Variants in CLN6 observed in about 807,000 individuals in gnomAD.
The protein encoded by CLN6 is ceroid-lipofuscinosis neuronal protein 6.
A neutral mutation model predicts 33.3 loss-of-function variants in CLN6; 22 were observed. That is an observed-to-expected ratio of 0.66 (90% CI 0.47 to 0.94). CLN6 has a LOEUF of 0.94. Ranked by LOEUF, CLN6 falls within the 40% of genes least tolerant of loss-of-function variation. CLN6 has a pLI of 0.00. For missense variants in CLN6, 387 were observed against 417.1 expected (o/e 0.93, Z 0.63); for synonymous variants, 201 against 174.6 (o/e 1.15, Z -1.19).
chr15:68,227,405 C>T lies in CLN6; in HGVS notation c.83+2097G>A, dbSNP rs1389359218. Among the ~76,000 whole-genome samples the T allele has an allele frequency of 6.6e-6, 1 of 152,190 alleles. No individual in the cohort carries two copies. The highest frequency in any genetic ancestry group is 1.5e-5 in the Non-Finnish European group (1 of 68,038). ...AGCAGGTGGACGTTGGAATGGGTTACCTTAAGAGGTAGTGAGCAAAGCACG... is the reference window on the plus strand; with the variant it reads ...AGCAGGTGGACGTTGGAATGGGTTATCTTAAGAGGTAGTGAGCAAAGCACG... On this transcript the variant is annotated intron_variant, in intron 1 of 6. Transcript: ENST00000249806. This position sits in a 1 kb window ranked among gnomAD's most constrained non-coding sequence, Gnocchi z 4.1.
rs796551066 is a variant in CLN6, at chr15:68,246,017, A to G, written c.179+10673T>C. ...AGGGGTCAGTTTAGCAAGAGGATAT[A>G]ACAATTATAAGTATCTATGCACTCA... On this transcript the variant is annotated intron_variant, in intron 1 of 6. Coordinates refer to the CLN6 transcript ENST00000538696. The surrounding 1 kb of genome is among the most constrained non-coding windows in gnomAD (Gnocchi z 4.5). 2.0e-5 allele frequency among the ~76,000 whole-genome samples: 3 copies of G among 152,308 alleles called. No individual in the cohort carries two copies. The highest frequency in any genetic ancestry group is 7.2e-5 in the African/African-American group (3 of 41,538).
intron 1 of CLN6, among the ~76,000 whole-genome samples, chr15:68,248,055 G>T (rs988369918): frequency 2.7e-5 from 4 of 149,660 alleles, no homozygotes; most frequent in African/African-American, 9.8e-5. Flanking sequence ...GAACAAATCT[G>T]GAAGCATCAC....
chr15:68,233,947 C>T (rs1892190753), upstream of CLN6, among the ~76,000 whole-genome samples: 1 of 152,194 alleles, frequency 6.6e-6, no homozygotes. The surrounding 1 kb of genome is among the most constrained non-coding windows in gnomAD (Gnocchi z 4.3). Flanking sequence ...CCAGAAGTCA[C>T]ACTGTGGGGA....
chr15:68,208,151 T>G lies in CLN6; in HGVS notation c.925A>C (p.Ser309Arg), dbSNP rs762916725. The change falls in exon 7 of 7, where the codon AGT becomes CGT. Residue 309 changes from serine (S) to arginine (R), a missense_variant. Ser to Arg is a moderately radical substitution (Grantham distance 110, BLOSUM62 -1). Transcript: ENST00000249806. This position sits in a 1 kb window ranked among gnomAD's most constrained non-coding sequence, Gnocchi z 5.8. ...CTGGTGCCAGGGACTCAGTGCCGAC[T>G]GCTGACGTGAAGGGTGTAGAAAGCC... ...PWAFYTLHVS[S>R]RH is the part of the protein sequence containing the mutation. 1.2e-5 allele frequency: 16 copies of G among 1,368,704 alleles called. No homozygotes were observed. The South Asian group carries it at 1.4e-4, about 12-fold the overall frequency. The allele number at this position is 1,368,704 out of a possible 1,614,324, so 84.8% of individuals were successfully genotyped here.
intron 1 of CLN6, chr15:68,254,545 CA>C: frequency 2.2e-6 from 1 of 454,988 alleles, no homozygotes; most frequent in South Asian, 2.6e-5. Flanking sequence ...ATATTTTGAG[CA>C]GTGTGAAAAA....
intron 1 of CLN6, among the ~76,000 whole-genome samples, chr15:68,221,641 C>T (rs2093236301): frequency 6.6e-6 from 1 of 152,226 alleles, no homozygotes; most frequent in Non-Finnish European, 1.5e-5. Flanking sequence ...CAGGCTCTGC[C>T]CGGCCGCCAC....
chr15:68,257,070 G>C (rs2141169487), exon 1 of CLN6: 1 of 445,348 alleles, frequency 2.2e-6, no homozygotes, highest in South Asian at 5.2e-5. Context: ...GTTGGGCCGC[G>C]GGCCCAAGGG....
At position 68,209,576 on chromosome 15, in the gene CLN6, A is replaced by T; in HGVS notation, c.665+61T>A. 1 of 1,604,086 alleles carries T rather than the reference A, an allele frequency of 6.2e-7. No homozygotes were observed. The highest frequency in any genetic ancestry group is 8.5e-7 in the Non-Finnish European group (1 of 1,177,816). The stretch of plus-strand genomic sequence containing the variant: ...CAGCAGGTCCATTGGCAAGTGCAGA[A>T]TTTTGCTGCCGTGGCTCTCTCAGTG... On this transcript the variant is annotated intron_variant, in intron 6 of 6. Coordinates refer to ENST00000249806, the MANE Select transcript of CLN6 (RefSeq NM_017882.3). The surrounding 1 kb of genome is among the most constrained non-coding windows in gnomAD (Gnocchi z 4.9).
chr15:68,209,169 C>G lies in CLN6; in HGVS notation c.665+468G>C, dbSNP rs563181521. ...GAAGCCCCTACGCCATGAAACCCCC[C>G]AGTCTGGCCTCGCCATAGTGCTTTA... On this transcript the variant is annotated intron_variant, in intron 6 of 6. Coordinates refer to ENST00000249806, the MANE Select transcript of CLN6 (RefSeq NM_017882.3). The surrounding 1 kb of genome is among the most constrained non-coding windows in gnomAD (Gnocchi z 4.9). Among the ~76,000 whole-genome samples the G allele has an allele frequency of 4.7e-3, 714 of 152,326 alleles. 6 individuals are homozygous for G. The highest frequency in any genetic ancestry group is 6.0e-3 in the Non-Finnish European group (408 of 68,020).
intron 1 of CLN6, among the ~76,000 whole-genome samples, chr15:68,254,273 G>A (rs1346594684): frequency 1.3e-5 from 2 of 152,136 alleles, no homozygotes; most frequent in Non-Finnish European, 2.9e-5. Flanking sequence ...GATACGAAAG[G>A]GGCATAGGGA....
chr15:68,247,494 A>G lies in CLN6; in HGVS notation c.179+9196T>C, dbSNP rs1164436999. Among the ~76,000 whole-genome samples the G allele has an allele frequency of 6.6e-6, 1 of 152,170 alleles. No individual in the cohort carries two copies. The highest frequency in any genetic ancestry group is 2.4e-5 in the African/African-American group (1 of 41,396). The stretch of plus-strand genomic sequence containing the variant: ...GAAGAGGAGAAAGATCTCTTCAAGG[A>G]AAACTACAAAGCACTGAAGAAATAA... On this transcript the variant is annotated intron_variant, in intron 1 of 6. Transcript: ENST00000538696. The surrounding 1 kb of genome is among the most constrained non-coding windows in gnomAD (Gnocchi z 4.2).
chr15:68,216,897 T>A (rs1327670448), intron 2 of CLN6, among the ~76,000 whole-genome samples: 2 of 152,214 alleles, frequency 1.3e-5, no homozygotes, highest in Non-Finnish European at 2.9e-5. Flanking sequence ...TTCAACCTTG[T>A]CAGAAAGGGG....
chr15:68,231,757 G>T (rs184795877), upstream of CLN6, among the ~76,000 whole-genome samples: 40 of 152,354 alleles, frequency 2.6e-4, no homozygotes, highest in East Asian at 4.2e-3. Flanking sequence ...ACCCCTTGAG[G>T]GGAGGGGAGT....
chr15:68,214,752 G>A, intron 2 of CLN6: 1 of 341,474 alleles, frequency 2.9e-6, no homozygotes, highest in East Asian at 7.6e-5. Context: ...AACTTGCTGG[G>A]TGACCCTGGG....
chr15:68,224,618 C>A (rs866738802), intron 1 of CLN6, among the ~76,000 whole-genome samples: 41 of 104,262 alleles, frequency 3.9e-4, no homozygotes, highest in African/African-American at 8.0e-4. Context: ...GACTCTGTCT[C>A]AAAAAAAAAA....
Position 68,256,537 on chromosome 15 carries a change from G to A in CLN6, c.179+153C>T, listed in dbSNP as rs899500453. ...ACAATACTTGTGTTATAGCACTCCT[G>A]TATCACAGTATTTGTTATTACAATA... On this transcript the variant is annotated intron_variant, in intron 1 of 6. Coordinates refer to the CLN6 transcript ENST00000538696. This position sits in a 1 kb window ranked among gnomAD's most constrained non-coding sequence, Gnocchi z 4.1. 2.0e-5 allele frequency among the ~76,000 whole-genome samples: 3 copies of A among 152,160 alleles called. No individual in the cohort carries two copies. The highest frequency in any genetic ancestry group is 4.8e-5 in the African/African-American group (2 of 41,438).
rs550708832 is a variant in CLN6, at chr15:68,241,767, C to G, written c.179+14923G>C. ...GGCACTAATCCCCAGCCAGCCTATCCATACTGCCAGGATATCTGCTCTGGG... is the reference window on the plus strand; with the variant it reads ...GGCACTAATCCCCAGCCAGCCTATCGATACTGCCAGGATATCTGCTCTGGG... On this transcript the variant is annotated intron_variant, in intron 1 of 6. Transcript: ENST00000538696. This position sits in a 1 kb window ranked among gnomAD's most constrained non-coding sequence, Gnocchi z 4.2. Among the ~76,000 whole-genome samples, 10 of 152,284 alleles carry G rather than the reference C, an allele frequency of 6.6e-5. No individual in the cohort carries two copies. Among genetic ancestry groups the G allele is most frequent in the Admixed American group, 6.5e-4 (10 of 15,296 alleles).
Position 68,209,564 on chromosome 15 carries a change from G to T in CLN6, c.665+73C>A. 1 of 1,595,420 alleles carries T rather than the reference G, an allele frequency of 6.3e-7. No individual in the cohort carries two copies. The highest frequency in any genetic ancestry group is 8.5e-7 in the Non-Finnish European group (1 of 1,172,142). On this transcript the variant is annotated intron_variant, in intron 6 of 6. Transcript: ENST00000249806. This position sits in a 1 kb window ranked among gnomAD's most constrained non-coding sequence, Gnocchi z 4.9. ...CCTGGGGCCACACAGCAGGTCCATT[G>T]GCAAGTGCAGAATTTTGCTGCCGTG...
rs1439483365 is a variant in CLN6 at position 68,209,378 on chromosome 15, G to A, written c.665+259C>T. ...CTTGAGATGGGGCACAGAGCGAGAG[G>A]GGCTTGAGGATGGAGACAGACTGTG... On this transcript the variant is annotated intron_variant, in intron 6 of 6. Coordinates refer to ENST00000249806, the MANE Select transcript of CLN6 (RefSeq NM_017882.3). The surrounding 1 kb of genome is among the most constrained non-coding windows in gnomAD (Gnocchi z 4.9). Among the ~76,000 whole-genome samples, 1 of 152,128 alleles carries A rather than the reference G, an allele frequency of 6.6e-6. No homozygotes were observed. Among genetic ancestry groups the A allele is most frequent in the Non-Finnish European group, 1.5e-5 (1 of 68,014 alleles).
Sources: allele counts gnomAD v4.1 joint callset (sites outside exome capture counted in the v4.1 genomes callset), GRCh38; gene constraint gnomAD v4.1.1; non-coding constraint Gnocchi (gnomAD v3.1); transcripts MANE v1.5; gene names NCBI Gene and HGNC (gene_info 2026-07-23, HGNC 2026-07-21).